Variants in CPQ observed in about 807,000 individuals in gnomAD.
CPQ encodes Ser-Met dipeptidase.
Under a neutral mutation model 45.7 loss-of-function variants are expected in CPQ, and 37 were observed. That is an observed-to-expected ratio of 0.81 (90% CI 0.62 to 1.07). The LOEUF is 1.07. Among genes scored for constraint, CPQ ranks in the 50% least tolerant of loss-of-function variants. The pLI, the probability that CPQ is intolerant of heterozygous loss-of-function variation, is 0.00. For missense variants in CPQ, 537 were observed against 572.9 expected, an observed-to-expected ratio of 0.94 and a Z score of 0.64; for synonymous variants, 186 against 205.8, an observed-to-expected ratio of 0.90 and a Z score of 0.82.
At chr8:96,672,054 C>T (rs566184417) in intron 1 of CPQ, among the ~76,000 whole-genome samples, 1 of 151,564 alleles carries the variant, frequency 6.6e-6, no homozygotes, top group African/African-American at 2.4e-5. Flanking sequence ...AATTGTCTCT[C>T]TGTGCAATGT....
At position 96,977,352 on chromosome 8, in the gene CPQ, G is replaced by A. The variant is rs900740846; in HGVS notation, c.961+11306G>A. Among the ~76,000 whole-genome samples, 71 of 151,948 alleles carry A rather than the reference G, an allele frequency of 4.7e-4. 1 individual carries two copies. The highest frequency in any genetic ancestry group is 3.3e-4 in the Admixed American group (5 of 15,240). On this transcript the variant is annotated intron_variant, in intron 5 of 7. Transcript: ENST00000220763. Reference sequence around the variant, plus strand: ...AAAAAAAAAAAAATAGATGTTGGCAGGGATGCAGTAAAAAGGGAACACTTT... The same window carrying A: ...AAAAAAAAAAAAATAGATGTTGGCAAGGATGCAGTAAAAAGGGAACACTTT...
At chr8:96,866,545 CAT>C (rs1195475768) in intron 3 of CPQ, among the ~76,000 whole-genome samples, 13 of 152,104 alleles carry the variant, frequency 8.5e-5, no homozygotes, top group East Asian at 3.9e-4. Context: ...TATGATTTAA[CAT>C]ATTTATAGGT....
intron 4 of CPQ, among the ~76,000 whole-genome samples, chr8:96,953,394 T>C (rs1481926153): frequency 1.3e-5 from 2 of 152,134 alleles, no homozygotes; most frequent in Non-Finnish European, 2.9e-5. Context: ...TTTACTGAGC[T>C]CAAATCTATG....
chr8:96,728,502 G>A (rs1254010603), intron 1 of CPQ, among the ~76,000 whole-genome samples: 4 of 152,016 alleles, frequency 2.6e-5, no homozygotes, highest in Non-Finnish European at 5.9e-5. Context: ...ACTTTCCCCC[G>A]TCTTAGAAAC....
intron 5 of CPQ, among the ~76,000 whole-genome samples, chr8:97,027,482 A>G (rs552364428): frequency 6.6e-6 from 1 of 152,306 alleles, no homozygotes; most frequent in East Asian, 1.9e-4. Context: ...TTTAATCTGA[A>G]AAAGGATTAT....
intron 5 of CPQ, among the ~76,000 whole-genome samples, chr8:96,969,940 A>G (rs560067401): frequency 6.6e-6 from 1 of 152,338 alleles, no homozygotes; most frequent in South Asian, 2.1e-4. Flanking sequence ...AGAGTTGTCC[A>G]GGAGTCACCA....
chr8:96,746,215 T>C (rs73696235), intron 1 of CPQ, among the ~76,000 whole-genome samples: 148 of 152,352 alleles, frequency 9.7e-4, no homozygotes, highest in African/African-American at 3.4e-3. Context: ...GTAAGGTTCT[T>C]TAATTTGAAA....
chr8:96,747,671 C>G (rs574395849), intron 1 of CPQ, among the ~76,000 whole-genome samples: 1 of 152,162 alleles, frequency 6.6e-6, no homozygotes, highest in African/African-American at 2.4e-5. Context: ...TTTTTACTTT[C>G]CTGGCCTCAG....
chr8:97,086,881 C>CTCTA (rs1386490933), intron 7 of CPQ, among the ~76,000 whole-genome samples: 3 of 152,110 alleles, frequency 2.0e-5, no homozygotes, highest in African/African-American at 7.2e-5. Context: ...TTGAAGTGCA[C>CTCTA]TCTATCTCTG....
intron 7 of CPQ, among the ~76,000 whole-genome samples, chr8:97,096,687 C>A (rs772535519): frequency 2.0e-5 from 3 of 152,164 alleles, no homozygotes; most frequent in Non-Finnish European, 4.4e-5. Context: ...AATGGAACAA[C>A]CACCTCTTAT....
intron 7 of CPQ, among the ~76,000 whole-genome samples, chr8:97,131,227 A>G (rs1811949845): frequency 6.6e-6 from 1 of 152,190 alleles, no homozygotes; most frequent in African/African-American, 2.4e-5. Flanking sequence ...TTTGTAACCA[A>G]CTGCCTTATA....
intron 2 of CPQ, among the ~76,000 whole-genome samples, chr8:96,810,288 A>G (rs1415267363): frequency 6.6e-6 from 1 of 152,148 alleles, no homozygotes; most frequent in Non-Finnish European, 1.5e-5. Flanking sequence ...TATCTTACAC[A>G]CTTTTATACC....
chr8:96,791,024 A>C (rs977112062), intron 2 of CPQ, among the ~76,000 whole-genome samples: 7 of 152,126 alleles, frequency 4.6e-5, no homozygotes, highest in African/African-American at 1.7e-4. Flanking sequence ...CCTTCTGTTA[A>C]ATGCTAATCT....
intron 1 of CPQ, among the ~76,000 whole-genome samples, chr8:96,766,345 G>A (rs1219395158): frequency 6.6e-6 from 1 of 152,122 alleles, no homozygotes; most frequent in African/African-American, 2.4e-5. Flanking sequence ...TCTGTCACTT[G>A]GTGTTTATCT....
At chr8:96,951,604 AC>A (rs1813266906) in intron 4 of CPQ, among the ~76,000 whole-genome samples, 1 of 152,062 alleles carries the variant, frequency 6.6e-6, no homozygotes, top group South Asian at 2.1e-4. Context: ...TGAAATAAAA[AC>A]GTAACTTACC....
intron 1 of CPQ, among the ~76,000 whole-genome samples, chr8:96,683,530 AGTTTTTGTGCTTCT>A (rs1809178901): frequency 6.6e-6 from 1 of 151,746 alleles, no homozygotes; most frequent in African/African-American, 2.4e-5. Flanking sequence ...TCTATTTGTG[AGTTTTTGTGCTTCT>A]TGTACCTGGA....
chr8:97,072,193 T>C (rs756087790), intron 7 of CPQ, among the ~76,000 whole-genome samples: 1 of 152,178 alleles, frequency 6.6e-6, no homozygotes, highest in Non-Finnish European at 1.5e-5. Flanking sequence ...GGGCCCAGTA[T>C]TCACTGAAAA....
At chr8:96,974,144 C>T (rs539122478) in intron 5 of CPQ, among the ~76,000 whole-genome samples, 1 of 152,250 alleles carries the variant, frequency 6.6e-6, no homozygotes, top group African/African-American at 2.4e-5. Flanking sequence ...CACATAAGGA[C>T]TCACGTAAAC....
chr8:97,096,740 C>T (rs1464633241), intron 7 of CPQ, among the ~76,000 whole-genome samples: 1 of 152,188 alleles, frequency 6.6e-6, no homozygotes, highest in Non-Finnish European at 1.5e-5. Flanking sequence ...GGCAAGAGGC[C>T]TTCATAGAGC....
Sources: allele counts gnomAD v4.1 joint callset (sites outside exome capture counted in the v4.1 genomes callset), GRCh38; gene constraint gnomAD v4.1.1; transcripts MANE v1.5; gene names NCBI Gene and HGNC (gene_info 2026-07-23, HGNC 2026-07-21).